The following KLHL29 variants were observed in gnomAD, a reference collection of about 807,000 sequenced individuals.
KLHL29 encodes kelch-like protein 29.
KLHL29 carries 21 observed loss-of-function variants against 80.4 expected under a neutral mutation model. The observed-to-expected ratio is 0.26, with a 90% confidence interval of 0.19 to 0.38. The LOEUF is 0.38. KLHL29 is among the 10% of genes least tolerant of loss of function. The pLI is 1.00. For missense variants in KLHL29, 867 were observed against 1,223.9 expected (o/e 0.71, Z 4.35); for synonymous variants, 511 against 526.8 (o/e 0.97, Z 0.41).
chr2:23,560,263 C>CTTTTTTTT (rs67065961), intron 2 of KLHL29, among the ~76,000 whole-genome samples: 1 of 73,234 alleles, frequency 1.4e-5, no homozygotes, highest in Non-Finnish European at 2.3e-5. Flanking sequence ...ATTGGATAGG[C>CTTTTTTTT]TTTTTTTTTT....
chr2:23,442,626 ACT>A (rs1385440624), intron 1 of KLHL29, among the ~76,000 whole-genome samples: 1 of 152,088 alleles, frequency 6.6e-6, no homozygotes, highest in Non-Finnish European at 1.5e-5. Flanking sequence ...GCCAAGTGAG[ACT>A]CTTGTTAGAC....
At chr2:23,417,411 G>A (rs1044171155) in intron 1 of KLHL29, among the ~76,000 whole-genome samples, 4 of 152,180 alleles carry the variant, frequency 2.6e-5, no homozygotes, top group African/African-American at 9.7e-5. Flanking sequence ...TTTACACTCA[G>A]GTGAGCACAA....
Position 23,684,971 on chromosome 2 carries a change from C to T in KLHL29, c.1079+434C>T, listed in dbSNP as rs1202535433. ...TCCCTGCTGTCGGTGGTGACTAATG[C>T]CAGGAAAGCGCATCGGCCAGGCTGT... On this transcript the variant is annotated intron_variant, in intron 6 of 13. Coordinates refer to ENST00000486442, the MANE Select transcript of KLHL29 (RefSeq NM_052920.2). This position sits in a 1 kb window ranked among gnomAD's most constrained non-coding sequence, Gnocchi z 4.4. 6.6e-6 allele frequency among the ~76,000 whole-genome samples: 1 copy of T among 152,218 alleles called. No homozygotes were observed. The highest frequency in any genetic ancestry group is 6.5e-5 in the Admixed American group (1 of 15,278).
In KLHL29 at chr2:23,388,295, A is replaced by C. The variant is rs560588577; in HGVS notation, c.-154+2515A>C. 5.9e-5 allele frequency among the ~76,000 whole-genome samples: 9 copies of C among 152,368 alleles called. No individual in the cohort carries two copies. The South Asian group carries it at 1.7e-3, about 28-fold the overall frequency. On this transcript the variant is annotated intron_variant, in intron 1 of 13. Coordinates refer to ENST00000486442, the MANE Select transcript of KLHL29 (RefSeq NM_052920.2). Reference sequence around the variant, plus strand: ...TGACTTTTGCTAACTGCAGCTCCTCATATCTAGGAACAAAATGGATAAAAA... The same window carrying C: ...TGACTTTTGCTAACTGCAGCTCCTCCTATCTAGGAACAAAATGGATAAAAA...
chr2:23,467,878 G>A (rs995888319), intron 1 of KLHL29, among the ~76,000 whole-genome samples: 4 of 151,822 alleles, frequency 2.6e-5, no homozygotes, highest in Non-Finnish European at 4.4e-5. Flanking sequence ...TGGTTCCACC[G>A]CCTTCTGAGG....
intron 2 of KLHL29, among the ~76,000 whole-genome samples, chr2:23,533,649 G>C (rs1666571519): frequency 6.6e-6 from 1 of 152,144 alleles, no homozygotes; most frequent in South Asian, 2.1e-4. Flanking sequence ...TGGGCTGGGT[G>C]ATGGCATTTG....
At chr2:23,505,574 C>G (rs1158957455) in intron 2 of KLHL29, among the ~76,000 whole-genome samples, 1 of 152,236 alleles carries the variant, frequency 6.6e-6, no homozygotes, top group Non-Finnish European at 1.5e-5. Flanking sequence ...GCTGCCCCAT[C>G]CCTGCATCCC....
At chr2:23,387,087 C>T (rs184581338) in intron 1 of KLHL29, among the ~76,000 whole-genome samples, 99 of 152,300 alleles carry the variant, frequency 6.5e-4, no homozygotes, top group Admixed American at 1.5e-3. Context: ...GTTCTCCTCC[C>T]TCCCTCCCGT....
chr2:23,533,391 A>C (rs538731022), intron 2 of KLHL29, among the ~76,000 whole-genome samples: 1 of 152,272 alleles, frequency 6.6e-6, no homozygotes, highest in Non-Finnish European at 1.5e-5. Context: ...GGGATGGTCT[A>C]AGCAGGGAGG....
In KLHL29 at chr2:23,696,693, C is replaced by G. The variant is rs1671980658; in HGVS notation, c.2105+180C>G. 1.8e-6 allele frequency: 1 copy of G among 559,990 alleles called. No homozygotes were observed. Among genetic ancestry groups the G allele is most frequent in the Non-Finnish European group, 3.1e-6 (1 of 320,618 alleles). 34.7% of individuals were successfully genotyped at this position (559,990 alleles called of 1,614,324 possible). A position where few individuals can be genotyped will look rare whatever the true frequency, so the allele number is the denominator to read the frequency against. On this transcript the variant is annotated intron_variant, in intron 11 of 13. Coordinates refer to ENST00000486442, the MANE Select transcript of KLHL29 (RefSeq NM_052920.2). This position sits in a 1 kb window ranked among gnomAD's most constrained non-coding sequence, Gnocchi z 5.5. ...ACCGGGGGCAGCAGGGTGTGGGATA[C>G]AAGCAGATGGGATGACATCTGTGTC...
chr2:23,461,146 T>C (rs1202553932), intron 1 of KLHL29, among the ~76,000 whole-genome samples: 1 of 152,216 alleles, frequency 6.6e-6, no homozygotes, highest in African/African-American at 2.4e-5. Context: ...TATTGTATTA[T>C]CCTGTTTAGT....
intron 5 of KLHL29, among the ~76,000 whole-genome samples, chr2:23,657,771 G>A (rs896454819): frequency 1.1e-4 from 17 of 152,154 alleles, no homozygotes; most frequent in Admixed American, 5.9e-4. Flanking sequence ...GCTGTGCCTC[G>A]GGAGTGGGGG....
At chr2:23,536,952 C>CCTCTCTCGCT (rs1666687318) in intron 2 of KLHL29, among the ~76,000 whole-genome samples, 1 of 148,160 alleles carries the variant, frequency 6.7e-6, no homozygotes, top group Admixed American at 6.7e-5. Flanking sequence ...TCTCTCTCTC[C>CCTCTCTCGCT]CTCTCTCGCT....
chr2:23,419,632 T>C (rs1013443237), intron 1 of KLHL29, among the ~76,000 whole-genome samples: 1 of 152,184 alleles, frequency 6.6e-6, no homozygotes, highest in African/African-American at 2.4e-5. Flanking sequence ...TTAATTGCCC[T>C]TTCCCTGAAA....
At chr2:23,467,573 T>G (rs1664385850) in intron 1 of KLHL29, among the ~76,000 whole-genome samples, 1 of 152,204 alleles carries the variant, frequency 6.6e-6, no homozygotes, top group Non-Finnish European at 1.5e-5. Flanking sequence ...ATAAAATAGC[T>G]TTTTTACTGA....
chr2:23,691,776 G>C lies in KLHL29; in HGVS notation c.1182G>C (p.Thr394=). The C allele has an allele frequency of 5.8e-6, 9 of 1,551,720 alleles. No homozygotes were observed. The highest frequency in any genetic ancestry group is 7.8e-6 in the Non-Finnish European group (9 of 1,147,016). The change falls in exon 7 of 14, where the codon ACG becomes ACC. Residue 394 remains threonine (T), a synonymous_variant. Coordinates refer to ENST00000486442, the MANE Select transcript of KLHL29 (RefSeq NM_052920.2). Reference sequence around the variant, plus strand: ...AGTTGCTGCTGGAGTTTGTCTACACGGGCTCCCTGGTCATCGACTCGGCCA... The same window carrying C: ...AGTTGCTGCTGGAGTTTGTCTACACCGGCTCCCTGGTCATCGACTCGGCCA... ...VLELLLEFVY[T]GSLVIDSANA...
At chr2:23,671,686 C>A (rs1160624687) in intron 5 of KLHL29, among the ~76,000 whole-genome samples, 1 of 152,192 alleles carries the variant, frequency 6.6e-6, no homozygotes, top group Non-Finnish European at 1.5e-5. Context: ...AGCTGTCCAC[C>A]CAGCTCCCTA....
intron 5 of KLHL29, chr2:23,644,409 A>G (rs1669863760): frequency 6.6e-6 from 1 of 152,230 alleles, no homozygotes; most frequent in Non-Finnish European, 1.5e-5. Flanking sequence ...TTCTGTCCCC[A>G]CATAGCCCCT....
Position 23,525,734 on chromosome 2 carries a change from C to CG in KLHL29, c.-45-36418_-45-36417insG, listed in dbSNP as rs1296836412. Among the ~76,000 whole-genome samples, 6 of 45,974 alleles carry CG rather than the reference C, an allele frequency of 1.3e-4. No homozygotes were observed. In the East Asian group the frequency reaches 5.9e-3, roughly 45 times the overall value. 30.2% of individuals were successfully genotyped at this position (45,974 alleles called of 152,430 possible). On this transcript the variant is annotated intron_variant, in intron 2 of 13. Transcript: ENST00000486442. ...AGTGAGCCCCAGCCCCTGCCCCCCC[C>CG]CCCCACCCGAGGCGAGCCAGCAGAG...
Sources: gnomAD v4.1 joint callset for allele counts (sites outside exome capture counted in the v4.1 genomes callset) on GRCh38, gnomAD v4.1.1 for gene constraint, Gnocchi (gnomAD v3.1) non-coding constraint, MANE v1.5 for transcripts, NCBI Gene and HGNC (gene_info 2026-07-23, HGNC 2026-07-21) for gene names.